Variants in PLCZ1 observed in about 807,000 individuals in gnomAD.
PLCZ1 encodes the protein phospholipase C zeta 1, also known as 1-phosphatidylinositol 4,5-bisphosphate phosphodiesterase zeta-1.
Under a neutral mutation model 76.8 loss-of-function variants are expected in PLCZ1, and 64 were observed. The ratio of observed to expected loss-of-function variants is 0.83; its 90% CI spans 0.68 to 1.03. The LOEUF (loss-of-function observed/expected upper bound fraction) is 1.03. PLCZ1 is among the 50% of genes least tolerant of loss of function. The pLI is 0.00. For synonymous variants in PLCZ1, 248 were observed against 230.8 expected (o/e 1.07, Z -0.68); for missense variants, 751 against 713.7 (o/e 1.05, Z -0.60).
chr12:18,711,468 G>T (rs533998433), intron 6 of PLCZ1, among the ~76,000 whole-genome samples: 1 of 149,956 alleles, frequency 6.7e-6, no homozygotes, highest in African/African-American at 2.5e-5. Flanking sequence ...ACACCAACAT[G>T]GCACATGTAT....
chr12:18,695,510 A>G (rs1337455484), intron 11 of PLCZ1, among the ~76,000 whole-genome samples: 1 of 152,128 alleles, frequency 6.6e-6, no homozygotes, highest in Non-Finnish European at 1.5e-5. Flanking sequence ...CAAAGCAATA[A>G]TTGTCGTTAC....
At chr12:18,662,405 T>G in the PLCZ1 span, among the ~76,000 whole-genome samples, 1 of 151,910 alleles carries the variant, frequency 6.6e-6, no homozygotes, top group Non-Finnish European at 1.5e-5. Flanking sequence ...TTATCCCAGA[T>G]AAACAAAAGC....
intron 4 of PLCZ1, among the ~76,000 whole-genome samples, chr12:18,722,764 T>G (rs1237051717): frequency 6.6e-6 from 1 of 152,068 alleles, no homozygotes; most frequent in Non-Finnish European, 1.5e-5. Context: ...AATCACTATG[T>G]GTTCAAAAAT....
chr12:18,659,296 C>A, the PLCZ1 span, among the ~76,000 whole-genome samples: 3 of 152,106 alleles, frequency 2.0e-5, no homozygotes, highest in Non-Finnish European at 4.4e-5. Context: ...TAGTCCCGTA[C>A]AATAGATGAG....
Position 18,684,188 on chromosome 12 carries a change from T to A in PLCZ1, c.1683A>T (p.Leu561Phe). 6.2e-7 allele frequency: 1 copy of A among 1,612,338 alleles called. No individual in the cohort carries two copies. The highest frequency in any genetic ancestry group is 8.5e-7 in the Non-Finnish European group (1 of 1,178,950). Residue 561 changes from leucine to phenylalanine, a missense_variant, in exon 14 of 15, where the codon TTA (leucine) becomes TTT (phenylalanine). Transcript: ENST00000266505. Reference protein sequence around the residue: ...LIRFVVEGQGLIAGNEFLGQY... With the variant: ...LIRFVVEGQGFIAGNEFLGQY... ...GCCCAAGAAATTCATTTCCTGCTATTAAACCTTGACCTTCAACAACAAAAC... is the reference window on the plus strand; with the variant it reads ...GCCCAAGAAATTCATTTCCTGCTATAAAACCTTGACCTTCAACAACAAAAC...
intron 11 of PLCZ1, 83 bp from the exon 12 acceptor site, chr12:18,695,162 A>G: frequency 7.7e-7 from 1 of 1,296,856 alleles, no homozygotes; most frequent in South Asian, 1.2e-5. Context: ...AAATCTAATA[A>G]TGGATTCTAT....
intron 5 of PLCZ1, among the ~76,000 whole-genome samples, chr12:18,716,583 C>A (rs1958012595): frequency 6.6e-6 from 1 of 152,094 alleles, no homozygotes. Context: ...TCATTGTAAA[C>A]CTTGTAACTA....
intron 10 of PLCZ1, 144 bp from the exon 11 acceptor site, chr12:18,696,410 C>T (rs1293643752): frequency 1.4e-5 from 3 of 207,970 alleles, no homozygotes; most frequent in Admixed American, 6.5e-5. Context: ...CAAAAATTTG[C>T]AATTCATGAA....
chr12:18,721,942 A>C (rs569541538), intron 4 of PLCZ1, among the ~76,000 whole-genome samples: 2 of 152,038 alleles, frequency 1.3e-5, no homozygotes, highest in South Asian at 2.1e-4. Flanking sequence ...ATTGTGGCCT[A>C]TAAGAACCTA....
intron 13 of PLCZ1, 119 bp downstream of exon 13, chr12:18,687,970 A>C (rs1317400458): frequency 7.3e-7 from 1 of 1,361,862 alleles, no homozygotes. Context: ...TTTTGGACAT[A>C]ATGGAAAACC....
chr12:18,646,456 T>G, the PLCZ1 span, among the ~76,000 whole-genome samples: 1 of 152,106 alleles, frequency 6.6e-6, no homozygotes, highest in Non-Finnish European at 1.5e-5. Flanking sequence ...ACCTATTTAC[T>G]TGGTAAGTGA....
chr12:18,666,232 A>C, the PLCZ1 span, among the ~76,000 whole-genome samples: 1 of 151,910 alleles, frequency 6.6e-6, no homozygotes, highest in African/African-American at 2.4e-5. Flanking sequence ...TGGCAAAAGT[A>C]AGTCTTTTTA....
chr12:18,688,464 T>G (rs1476807235), intron 12 of PLCZ1, among the ~76,000 whole-genome samples: 3 of 152,018 alleles, frequency 2.0e-5, no homozygotes, highest in Admixed American at 2.0e-4. Flanking sequence ...TTTGATTTAT[T>G]AACATATTTT....
At chr12:18,684,364 C>T in intron 13 of PLCZ1, 85 bp from the exon 14 acceptor site, 1 of 1,277,420 alleles carries the variant, frequency 7.8e-7, no homozygotes, top group Non-Finnish European at 1.1e-6. Context: ...CAAACTTTTT[C>T]TTTTCAACCC....
At chr12:18,677,292 T>A in the PLCZ1 span, among the ~76,000 whole-genome samples, 1 of 151,964 alleles carries the variant, frequency 6.6e-6, no homozygotes, top group Admixed American at 6.6e-5. Context: ...AGCAAGACAG[T>A]TTCTAGAAAG....
chr12:18,655,847 C>T, the PLCZ1 span, among the ~76,000 whole-genome samples: 38 of 151,562 alleles, frequency 2.5e-4, 1 homozygote, highest in South Asian at 7.9e-3. Flanking sequence ...TCATAAAAAG[C>T]AAAGAATGCC....
intron 3 of PLCZ1, among the ~76,000 whole-genome samples, chr12:18,729,806 T>C (rs1008865081): frequency 2.6e-5 from 4 of 152,124 alleles, no homozygotes; most frequent in Admixed American, 2.0e-4. Flanking sequence ...TAGAAAGAAG[T>C]TCAGAATATA....
intron 6 of PLCZ1, among the ~76,000 whole-genome samples, chr12:18,710,776 T>C (rs1957204456): frequency 6.6e-6 from 1 of 151,950 alleles, no homozygotes; most frequent in Non-Finnish European, 1.5e-5. Flanking sequence ...AAAAAACACA[T>C]GAAAAAATGC....
chr12:18,686,096 G>A (rs763743316), intron 13 of PLCZ1, among the ~76,000 whole-genome samples: 17 of 152,058 alleles, frequency 1.1e-4, no homozygotes, highest in East Asian at 1.9e-4. Flanking sequence ...CCATCTGGAC[G>A]TTGACTTCTG....
Sources: allele counts gnomAD v4.1 joint callset (sites outside exome capture counted in the v4.1 genomes callset), GRCh38; gene constraint gnomAD v4.1.1; transcripts MANE v1.5; gene names NCBI Gene and HGNC (gene_info 2026-07-23, HGNC 2026-07-21).